NEO1: variants seen among roughly 807,000 people sequenced by gnomAD.
The protein encoded by NEO1 is neogenin.
A neutral mutation model predicts 159.7 loss-of-function variants in NEO1; 63 were observed. That is an observed-to-expected ratio of 0.39 (90% CI 0.32 to 0.49). The LOEUF (loss-of-function observed/expected upper bound fraction) is 0.49, where lower values mean the gene tolerates loss of function less well. NEO1 is among the 20% of genes least tolerant of loss of function. NEO1 has a pLI of 0.85. For synonymous variants in NEO1, 633 were observed against 662.0 expected (o/e 0.96, Z 0.67); for missense variants, 1,615 against 1,831.0 (o/e 0.88, Z 2.15).
chr15:73,052,422 C>CCCT (rs1555416834), upstream of NEO1: 1 of 93,800 alleles, frequency 1.1e-5, no homozygotes, highest in East Asian at 2.9e-4. Flanking sequence ...GCCCCCCCCC[C>CCCT]CCCGCCCCGG....
chr15:73,090,275 G>A (rs2069613060), intron 1 of NEO1, among the ~76,000 whole-genome samples: 1 of 151,958 alleles, frequency 6.6e-6, no homozygotes, highest in African/African-American at 2.4e-5. Context: ...GCTCACTGTG[G>A]CCTCCGTCTC....
At chr15:73,203,422 C>T (rs2037021247) in intron 7 of NEO1, among the ~76,000 whole-genome samples, 1 of 152,060 alleles carries the variant, frequency 6.6e-6, no homozygotes. Flanking sequence ...CTCTGATAAT[C>T]CCTGTCACTT....
intron 13 of NEO1, among the ~76,000 whole-genome samples, chr15:73,258,484 G>A (rs1458991528): frequency 6.6e-6 from 1 of 152,134 alleles, no homozygotes; most frequent in Non-Finnish European, 1.5e-5. Context: ...TGATCTCTGA[G>A]GTGCCTTCAA....
At chr15:73,281,311 A>T (rs1373527028) in intron 22 of NEO1, among the ~76,000 whole-genome samples, 6 of 148,978 alleles carry the variant, frequency 4.0e-5, no homozygotes, top group African/African-American at 1.5e-4. Context: ...GCTGGAGTGC[A>T]TGGCGCGATC....
chr15:73,188,321 T>A (rs1291599105), intron 7 of NEO1, among the ~76,000 whole-genome samples: 1 of 152,234 alleles, frequency 6.6e-6, no homozygotes, highest in Non-Finnish European at 1.5e-5. Flanking sequence ...TATGGAAATG[T>A]CTAAATGTGT....
intron 7 of NEO1, among the ~76,000 whole-genome samples, chr15:73,182,669 A>G (rs1331600597): frequency 6.6e-6 from 1 of 152,028 alleles, no homozygotes; most frequent in Non-Finnish European, 1.5e-5. Flanking sequence ...GAAAGGGGAA[A>G]CCCCTCATGA....
intron 5 of NEO1, among the ~76,000 whole-genome samples, chr15:73,164,840 A>G (rs9920152): frequency 0.091 from 13,854 of 152,260 alleles, 829 homozygotes; most frequent in African/African-American, 0.16. Context: ...ACTATGCTAT[A>G]TATGTGGCTA....
At chr15:73,268,628 A>G (rs1349883613) in intron 16 of NEO1, among the ~76,000 whole-genome samples, 1 of 152,228 alleles carries the variant, frequency 6.6e-6, no homozygotes, top group Non-Finnish European at 1.5e-5. Context: ...ATGCCATTCC[A>G]CATTTTGAGT....
intron 25 of NEO1, among the ~76,000 whole-genome samples, chr15:73,291,606 C>G (rs1341980693): frequency 6.6e-6 from 1 of 152,144 alleles, no homozygotes; most frequent in Non-Finnish European, 1.5e-5. Context: ...ACCCACTCCC[C>G]ACCTTCCCTG....
intron 7 of NEO1, among the ~76,000 whole-genome samples, chr15:73,235,069 C>G (rs2039099734): frequency 6.6e-6 from 1 of 152,154 alleles, no homozygotes; most frequent in South Asian, 2.1e-4. Context: ...CCCTTTCCAC[C>G]TATCTAGAGA....
intron 1 of NEO1, among the ~76,000 whole-genome samples, chr15:73,053,368 C>G (rs1440991516): frequency 6.6e-6 from 1 of 152,064 alleles, no homozygotes; most frequent in African/African-American, 2.4e-5. Flanking sequence ...CACAATTGCC[C>G]GCTCACAACC....
chr15:73,152,218 G>A (rs1337334908), intron 5 of NEO1, among the ~76,000 whole-genome samples: 1 of 152,180 alleles, frequency 6.6e-6, no homozygotes, highest in African/African-American at 2.4e-5. Flanking sequence ...CAGGCCTTAG[G>A]AAACAGAATC....
At chr15:73,215,678 G>T (rs1379646528) in intron 7 of NEO1, among the ~76,000 whole-genome samples, 5 of 152,130 alleles carry the variant, frequency 3.3e-5, no homozygotes, top group Admixed American at 3.3e-4. Context: ...GTTGGATTTG[G>T]TTAGCTAGTA....
intron 7 of NEO1, among the ~76,000 whole-genome samples, chr15:73,233,215 G>C (rs2039003306): frequency 6.6e-6 from 1 of 152,112 alleles, no homozygotes; most frequent in Non-Finnish European, 1.5e-5. Context: ...AATCAACCTG[G>C]GGAAAGCTGA....
chr15:73,091,282 G>C (rs1227518700), intron 1 of NEO1, among the ~76,000 whole-genome samples: 1 of 152,118 alleles, frequency 6.6e-6, no homozygotes, highest in Non-Finnish European at 1.5e-5. Flanking sequence ...ATGGACATTG[G>C]TACACATATG....
chr15:73,168,993 T>C (rs2034777893), intron 5 of NEO1, among the ~76,000 whole-genome samples: 2 of 152,150 alleles, frequency 1.3e-5, no homozygotes, highest in Non-Finnish European at 2.9e-5. Flanking sequence ...CAGAGCTTAA[T>C]AAGAATTTCA....
Position 73,301,398 on chromosome 15 carries a change from G to T in NEO1, c.4243G>T (p.Val1415Phe). 1 of 1,614,186 alleles carries T rather than the reference G, an allele frequency of 6.2e-7. No homozygotes were observed. ...AAGGAGCCGGCCTCCTATGCCAGTG[G>T]TTGTTCCCAGTGCCCCTGAAGTGCA... The part of the protein sequence containing the change: ...LGRSRPPMPV[V>F]VPSAPEVQET... Residue 1415 changes from valine to phenylalanine, a missense_variant, in exon 28 of 29, where the codon GTT (valine) becomes TTT (phenylalanine). Around this residue, in one of 3 missense-constraint regions of NEO1, gnomAD observed 471 missense variants for 498.9 expected, o/e 0.94. Transcript: ENST00000261908.
At chr15:73,136,988 A>G (rs1001516305) in intron 5 of NEO1, among the ~76,000 whole-genome samples, 3 of 152,144 alleles carry the variant, frequency 2.0e-5, no homozygotes, top group African/African-American at 7.2e-5. Context: ...GGAATGCCCC[A>G]CAAATTGGAG....
At chr15:73,121,644 C>G (rs2071659759) in intron 2 of NEO1, among the ~76,000 whole-genome samples, 1 of 152,128 alleles carries the variant, frequency 6.6e-6, no homozygotes, top group African/African-American at 2.4e-5. Flanking sequence ...TCAGTTATTA[C>G]TATCAAATGG....
Sources: allele counts gnomAD v4.1 joint callset (sites outside exome capture counted in the v4.1 genomes callset), GRCh38; gene constraint gnomAD v4.1.1; regional missense constraint gnomAD v4.1.1; transcripts MANE v1.5; gene names NCBI Gene and HGNC (gene_info 2026-07-23, HGNC 2026-07-21).